The following ENPP6 variants were observed in gnomAD, a reference collection of about 807,000 sequenced individuals.
ENPP6 encodes the protein glycerophosphocholine cholinephosphodiesterase ENPP6.
Under a neutral mutation model 42.0 loss-of-function variants are expected in ENPP6, and 32 were observed. The ratio of observed to expected loss-of-function variants is 0.76; its 90% CI spans 0.58 to 1.02. ENPP6 has a LOEUF of 1.02. Ranked by LOEUF, ENPP6 falls within the 50% of genes least tolerant of loss-of-function variation. The pLI, the probability that ENPP6 is intolerant of heterozygous loss-of-function variation, is 0.00. For missense variants in ENPP6, 552 were observed against 566.8 expected (o/e 0.97, Z 0.27); for synonymous variants, 213 against 216.0 (o/e 0.99, Z 0.12).
chr4:184,139,289 T>C (rs4416518), intron 2 of ENPP6, among the ~76,000 whole-genome samples: 99,096 of 152,058 alleles, frequency 0.65, 32,580 homozygotes, highest in South Asian at 0.69. Context: ...GTTTCAGATT[T>C]AGCAAAGTTT....
chr4:184,185,546 C>T (rs1204232888), intron 1 of ENPP6, among the ~76,000 whole-genome samples: 1 of 152,218 alleles, frequency 6.6e-6, no homozygotes, highest in Non-Finnish European at 1.5e-5. Flanking sequence ...CTTTCACTCT[C>T]ATCACCCTCT....
intron 2 of ENPP6, among the ~76,000 whole-genome samples, chr4:184,134,405 CTT>C (rs964605040): frequency 1.3e-5 from 2 of 152,090 alleles, no homozygotes; most frequent in African/African-American, 4.8e-5. Flanking sequence ...TTTTTAAAGA[CTT>C]AATTTTAAAA....
At chr4:184,099,084 C>G (rs1735957937) in intron 6 of ENPP6, among the ~76,000 whole-genome samples, 1 of 152,196 alleles carries the variant, frequency 6.6e-6, no homozygotes, top group Non-Finnish European at 1.5e-5. Context: ...GTTGAAGGGA[C>G]TAAGGCTCAG....
chr4:184,167,628 C>G (rs1046151002), intron 1 of ENPP6, among the ~76,000 whole-genome samples: 1 of 152,198 alleles, frequency 6.6e-6, no homozygotes, highest in Admixed American at 6.5e-5. Flanking sequence ...TGGAAGCAAG[C>G]TCATTTTTGC....
chr4:184,109,747 AT>A (rs1246837831), intron 6 of ENPP6, among the ~76,000 whole-genome samples: 1 of 152,224 alleles, frequency 6.6e-6, no homozygotes, highest in Non-Finnish European at 1.5e-5. Context: ...ATAGCTAAGC[AT>A]TCTTCCTTTC....
intron 7 of ENPP6, among the ~76,000 whole-genome samples, chr4:184,096,644 C>T (rs575281438): frequency 4.4e-4 from 67 of 152,276 alleles, no homozygotes; most frequent in African/African-American, 1.4e-3. Flanking sequence ...TCCTCTCCTC[C>T]AGCCCTAGGA....
intron 1 of ENPP6, among the ~76,000 whole-genome samples, chr4:184,204,909 A>T (rs1000611087): frequency 2.0e-5 from 3 of 152,136 alleles, no homozygotes; most frequent in African/African-American, 4.8e-5. Flanking sequence ...TGTCTTAATC[A>T]TCATTATAAT....
intron 1 of ENPP6, among the ~76,000 whole-genome samples, chr4:184,208,664 G>T (rs1197190122): frequency 1.3e-5 from 2 of 149,438 alleles, no homozygotes; most frequent in Non-Finnish European, 3.0e-5. Context: ...GGCTGGGGGA[G>T]GGGCGCCCGC....
intron 6 of ENPP6, among the ~76,000 whole-genome samples, chr4:184,103,204 C>T (rs537037423): frequency 6.6e-6 from 1 of 152,344 alleles, no homozygotes; most frequent in East Asian, 1.9e-4. Context: ...CAAAGGCCGG[C>T]GCCCATGGGA....
intron 1 of ENPP6, among the ~76,000 whole-genome samples, chr4:184,206,094 T>C (rs1732991881): frequency 6.6e-6 from 1 of 151,656 alleles, no homozygotes; most frequent in Non-Finnish European, 1.5e-5. Flanking sequence ...TTTCAGGAGG[T>C]ACCTACATTG....
At chr4:184,148,327 T>C (rs1198296625) in intron 2 of ENPP6, among the ~76,000 whole-genome samples, 1 of 152,218 alleles carries the variant, frequency 6.6e-6, no homozygotes, top group Non-Finnish European at 1.5e-5. Flanking sequence ...GATTTCTCGT[T>C]AAAACTTTCT....
chr4:184,202,558 A>G (rs1333527060), intron 1 of ENPP6, among the ~76,000 whole-genome samples: 1 of 151,928 alleles, frequency 6.6e-6, no homozygotes, highest in Non-Finnish European at 1.5e-5. Context: ...TGGGCTCAGC[A>G]CCCCTCCTTC....
chr4:184,153,496 A>G, intron 2 of ENPP6, 58 bp downstream of exon 2: 1 of 1,516,494 alleles, frequency 6.6e-7, no homozygotes, highest in Non-Finnish European at 8.9e-7. Flanking sequence ...CTTGACACCG[A>G]CTGTCCTCAG....
intron 2 of ENPP6, among the ~76,000 whole-genome samples, chr4:184,131,220 T>TTTCCTTC (rs1736618910): frequency 1.1e-5 from 1 of 89,490 alleles, no homozygotes; most frequent in African/African-American, 4.4e-5. Context: ...TTCTTTCTTT[T>TTTCCTTC]TCTTTCTTTC....
At chr4:184,189,606 T>C (rs1487947748) in intron 1 of ENPP6, among the ~76,000 whole-genome samples, 1 of 152,012 alleles carries the variant, frequency 6.6e-6, no homozygotes, top group Non-Finnish European at 1.5e-5. Context: ...TCAGGAAGCC[T>C]CATGAGGAAA....
chr4:184,143,228 C>A lies in ENPP6; in HGVS notation c.421+10326G>T, dbSNP rs548393588. 6.0e-4 allele frequency among the ~76,000 whole-genome samples: 92 copies of A among 152,304 alleles called. 1 individual carries two copies. The highest frequency in any genetic ancestry group is 2.1e-3 in the African/African-American group (88 of 41,556). Reference sequence around the variant, plus strand: ...TCATCAGGGTTGCTGAACCTCTTGCCCCTGTCTAGGAATTCCTTCCTCACC... The same window carrying A: ...TCATCAGGGTTGCTGAACCTCTTGCACCTGTCTAGGAATTCCTTCCTCACC... On this transcript the variant is annotated intron_variant, in intron 2 of 7. Coordinates refer to ENST00000296741, the MANE Select transcript of ENPP6 (RefSeq NM_153343.4).
intron 1 of ENPP6, among the ~76,000 whole-genome samples, chr4:184,160,374 G>C (rs1737240782): frequency 6.6e-6 from 1 of 152,088 alleles, no homozygotes; most frequent in South Asian, 2.1e-4. Context: ...TTGCATTGTG[G>C]TTTTGATTTG....
intron 2 of ENPP6, among the ~76,000 whole-genome samples, chr4:184,128,639 C>T (rs1390113252): frequency 2.0e-5 from 3 of 148,558 alleles, no homozygotes; most frequent in African/African-American, 4.9e-5. Context: ...GGAAATATAA[C>T]GTGCAAAATT....
At chr4:184,195,675 G>A (rs939590162) in intron 1 of ENPP6, among the ~76,000 whole-genome samples, 1 of 152,036 alleles carries the variant, frequency 6.6e-6, no homozygotes, top group Non-Finnish European at 1.5e-5. Flanking sequence ...TGATATAAGT[G>A]GAATCATACA....
Sources: gnomAD v4.1 joint callset for allele counts (sites outside exome capture counted in the v4.1 genomes callset) on GRCh38, gnomAD v4.1.1 for gene constraint, MANE v1.5 for transcripts, NCBI Gene and HGNC (gene_info 2026-07-23, HGNC 2026-07-21) for gene names.